PDE1A: variants seen among roughly 807,000 people sequenced by gnomAD.
The protein encoded by PDE1A is dual specificity calcium/calmodulin-dependent 3',5'-cyclic nucleotide phosphodiesterase 1A.
A neutral mutation model predicts 61.7 loss-of-function variants in PDE1A; 35 were observed. The observed-to-expected ratio is 0.57, with a 90% CI of 0.43 to 0.75. PDE1A has a LOEUF of 0.75. Among genes scored for constraint, PDE1A ranks in the 30% least tolerant of loss-of-function variants. The pLI, the probability that PDE1A is intolerant of heterozygous loss-of-function variation, is 0.00. For missense variants in PDE1A, 597 were observed against 630.6 expected (o/e 0.95, Z 0.57); for synonymous variants, 232 against 213.2 (o/e 1.09, Z -0.77).
At chr2:182,237,546 A>C (rs1485674878) in intron 3 of PDE1A, among the ~76,000 whole-genome samples, 1 of 152,228 alleles carries the variant, frequency 6.6e-6, no homozygotes, top group Non-Finnish European at 1.5e-5. Flanking sequence ...GCAAGGCAAC[A>C]GACTTATTTA....
intron 10 of PDE1A, among the ~76,000 whole-genome samples, chr2:182,190,938 A>G (rs1209552567): frequency 6.6e-6 from 1 of 152,096 alleles, no homozygotes; most frequent in Non-Finnish European, 1.5e-5. Flanking sequence ...CCTGGGTGAC[A>G]GAGCAAGACT....
chr2:182,540,411 C>G, the PDE1A span, among the ~76,000 whole-genome samples: 1 of 144,406 alleles, frequency 6.9e-6, no homozygotes, highest in Non-Finnish European at 1.5e-5. Flanking sequence ...GCAGCAGCAG[C>G]AGCAGGAAGT....
intron 1 of PDE1A, among the ~76,000 whole-genome samples, chr2:182,323,767 A>G (rs113126940): frequency 0.011 from 1,696 of 152,254 alleles, 25 homozygotes; most frequent in South Asian, 0.069. Flanking sequence ...CATCTCACGA[A>G]CTCTGAGGCA....
the PDE1A span, among the ~76,000 whole-genome samples, chr2:182,695,523 T>C: frequency 6.6e-6 from 1 of 151,824 alleles, no homozygotes; most frequent in African/African-American, 2.4e-5. Context: ...AAAAATTAGC[T>C]GGGCGCGGTG....
upstream of PDE1A, among the ~76,000 whole-genome samples, chr2:182,524,491 T>A (rs941590825): frequency 2.0e-5 from 3 of 152,172 alleles, no homozygotes; most frequent in African/African-American, 7.2e-5. Context: ...GCCCTTTGCT[T>A]TCACTATGTA....
At chr2:182,524,689 T>G (rs1383955822), upstream of PDE1A, among the ~76,000 whole-genome samples, 4 of 152,124 alleles carry the variant, frequency 2.6e-5, no homozygotes, top group African/African-American at 9.6e-5. Context: ...ATCAAAAAGT[T>G]ACTTCTGTTA....
intron 1 of PDE1A, among the ~76,000 whole-genome samples, chr2:182,331,620 T>C (rs918943762): frequency 1.3e-5 from 2 of 152,320 alleles, no homozygotes; most frequent in South Asian, 4.1e-4. Context: ...TTAGTTTGGC[T>C]GGATATGAAA....
chr2:182,555,323 T>G, the PDE1A span, among the ~76,000 whole-genome samples: 1 of 152,188 alleles, frequency 6.6e-6, no homozygotes, highest in African/African-American at 2.4e-5. Flanking sequence ...ACTCCGAGCG[T>G]TTGATAATAG....
chr2:182,563,814 C>T, the PDE1A span, among the ~76,000 whole-genome samples: 1 of 152,002 alleles, frequency 6.6e-6, no homozygotes, highest in Non-Finnish European at 1.5e-5. Context: ...TAGGTAATGC[C>T]CTTCTTTGTC....
chr2:182,492,183 C>T (rs558028444), intron 2 of PDE1A, among the ~76,000 whole-genome samples: 8 of 152,244 alleles, frequency 5.3e-5, no homozygotes, highest in Admixed American at 2.0e-4. Flanking sequence ...GACCACAAAA[C>T]TTCAGGCTTC....
the PDE1A span, among the ~76,000 whole-genome samples, chr2:182,651,285 G>A: frequency 3.3e-5 from 5 of 152,178 alleles, no homozygotes. Context: ...AGGATTACAG[G>A]TATGAGCCAC....
chr2:182,263,122 G>C (rs1692348888), intron 2 of PDE1A, among the ~76,000 whole-genome samples: 1 of 152,156 alleles, frequency 6.6e-6, no homozygotes, highest in African/African-American at 2.4e-5. Flanking sequence ...CCTGCTGAGT[G>C]GAAGGGGCCT....
At chr2:182,586,097 C>G in the PDE1A span, among the ~76,000 whole-genome samples, 1 of 152,140 alleles carries the variant, frequency 6.6e-6, no homozygotes, top group Non-Finnish European at 1.5e-5. Flanking sequence ...TCGGTTCTAT[C>G]TCCCCCATCT....
At position 182,156,190 on chromosome 2, in the gene PDE1A, T is replaced by TAAGAGCATAACTTAGTAAGGAGG. The variant is rs1330862391; in HGVS notation, c.1517-9061_1517-9039dup. Reference sequence around the variant, plus strand: ...TAAGTTATCTGTGCAGGAAATAGCATAAGAGCATAACTTAGTAAGGAGGAA... The same window carrying TAAGAGCATAACTTAGTAAGGAGG: ...TAAGTTATCTGTGCAGGAAATAGCATAAGAGCATAACTTAGTAAGGAGGAAGAGCATAACTTAGTAAGGAGGAA... On this transcript the variant is annotated intron_variant, in intron 13 of 13. Transcript: ENST00000409365. 2.6e-5 allele frequency among the ~76,000 whole-genome samples: 4 copies of TAAGAGCATAACTTAGTAAGGAGG among 152,262 alleles called. No individual in the cohort carries two copies. In the East Asian group the frequency reaches 7.7e-4, roughly 29 times the overall value.
At chr2:182,181,774 G>C (rs578036938) in intron 13 of PDE1A, among the ~76,000 whole-genome samples, 1 of 152,182 alleles carries the variant, frequency 6.6e-6, no homozygotes, top group South Asian at 2.1e-4. Flanking sequence ...GCCCTGCCCA[G>C]TGAGGAGGAA....
At chr2:182,498,000 C>A (rs1355214470) in intron 2 of PDE1A, among the ~76,000 whole-genome samples, 1 of 142,392 alleles carries the variant, frequency 7.0e-6, no homozygotes, top group Non-Finnish European at 1.5e-5. Flanking sequence ...GAGCCGAGAT[C>A]GCGCCACTGC....
chr2:182,671,843 C>T, the PDE1A span, among the ~76,000 whole-genome samples: 106,605 of 151,236 alleles, frequency 0.7, 37,991 homozygotes, highest in Middle Eastern at 0.78. Context: ...ATGGTCTCGA[C>T]CTCCTGACCT....
chr2:182,709,674 T>G, the PDE1A span, among the ~76,000 whole-genome samples: 1 of 152,204 alleles, frequency 6.6e-6, no homozygotes, highest in Non-Finnish European at 1.5e-5. Context: ...AAAAATGAAA[T>G]GAAATGCTTT....
At chr2:182,580,225 TAATA>T in the PDE1A span, among the ~76,000 whole-genome samples, 1 of 152,124 alleles carries the variant, frequency 6.6e-6, no homozygotes, top group South Asian at 2.1e-4. Flanking sequence ...TTATATTAAT[TAATA>T]GTTTGCTGGG....
Sources: gnomAD v4.1 joint callset for allele counts (sites outside exome capture counted in the v4.1 genomes callset) on GRCh38, gnomAD v4.1.1 for gene constraint, MANE v1.5 for transcripts, NCBI Gene and HGNC (gene_info 2026-07-23, HGNC 2026-07-21) for gene names.